FAM117A: variants seen among roughly 807,000 people sequenced by gnomAD.
FAM117A encodes the protein protein FAM117A.
FAM117A carries 21 observed loss-of-function variants against 44.1 expected under a neutral mutation model. That is an observed-to-expected ratio of 0.48 (90% CI 0.34 to 0.69). The LOEUF (loss-of-function observed/expected upper bound fraction) is 0.69, where lower values mean the gene tolerates loss of function less well. Ranked by LOEUF, FAM117A falls within the 30% of genes least tolerant of loss-of-function variation. The pLI, the probability that FAM117A is intolerant of heterozygous loss-of-function variation, is 0.01. For synonymous variants in FAM117A, 220 were observed against 238.3 expected (o/e 0.92, Z 0.71); for missense variants, 498 against 589.9 (o/e 0.84, Z 1.61).
Position 49,710,885 on chromosome 17 carries a change from T to C in FAM117A, c.*370A>G, listed in dbSNP as rs905796561. 10 of 177,956 alleles carry C rather than the reference T, an allele frequency of 5.6e-5. No homozygotes were observed. The highest frequency in any genetic ancestry group is 5.4e-4 in the Admixed American group (10 of 18,560). 11.0% of individuals were successfully genotyped at this position (177,956 alleles called of 1,614,324 possible). On this transcript the variant is annotated 3_prime_UTR_variant, in exon 8 of 8. Coordinates refer to ENST00000240364, the MANE Select transcript of FAM117A (RefSeq NM_030802.4). The stretch of plus-strand genomic sequence containing the variant: ...AGAGGGAAGGAAATCTGTGGCGTCT[T>C]CTCTCCTTCGTTCATGGCCAGCTTG...
At chr17:49,770,096 C>G (rs1162780047) in intron 1 of FAM117A, among the ~76,000 whole-genome samples, 1 of 151,778 alleles carries the variant, frequency 6.6e-6, no homozygotes, top group Non-Finnish European at 1.5e-5. Context: ...ATGGTAAAAC[C>G]CTGTCTCTAC....
chr17:49,768,893 C>T (rs8065596), upstream of FAM117A, among the ~76,000 whole-genome samples: 134,107 of 152,238 alleles, frequency 0.88, 59,199 homozygotes, highest in South Asian at 0.94. Context: ...GTCTTCTTAG[C>T]TCTCTCACTT....
At chr17:49,713,098 G>A (rs982765197) in intron 7 of FAM117A, among the ~76,000 whole-genome samples, 4 of 152,086 alleles carry the variant, frequency 2.6e-5, no homozygotes, top group Non-Finnish European at 5.9e-5. Flanking sequence ...ATGTTGACCA[G>A]GCTGGTCTTG....
rs780753655 is a variant in FAM117A at position 49,717,704 on chromosome 17, A to G, written c.719T>C (p.Ile240Thr). The change falls in exon 6 of 8, where the codon ATC becomes ACC. Residue 240 changes from isoleucine to threonine, a missense_variant. Ile to Thr is a moderately conservative substitution (Grantham distance 89). Around this residue, in one of 3 missense-constraint regions of FAM117A, gnomAD observed 224 missense variants for 296.5 expected, o/e 0.76. Coordinates refer to ENST00000240364, the MANE Select transcript of FAM117A (RefSeq NM_030802.4). ...GEEELLRILD[I>T]PDGHRAPAPP... ...AGCTGGGGCCCGGTGCCCATCAGGG[A>G]TATCAAGGATCTAACGGGGAAGGAC... The G allele has an allele frequency of 6.2e-7, 1 of 1,606,682 alleles. No individual in the cohort carries two copies. The highest frequency in any genetic ancestry group is 1.1e-5 in the South Asian group (1 of 90,502).
intron 1 of FAM117A, among the ~76,000 whole-genome samples, chr17:49,771,878 C>T (rs2073761876): frequency 6.6e-6 from 1 of 152,188 alleles, no homozygotes. Flanking sequence ...AAGTCTGCCT[C>T]AAAACTACAA....
intron 1 of FAM117A, among the ~76,000 whole-genome samples, chr17:49,733,878 C>A (rs1598025270): frequency 6.6e-6 from 1 of 151,924 alleles, no homozygotes. Flanking sequence ...CGTGGTGGCT[C>A]AAGCCTGTAA....
At chr17:49,729,299 G>C (rs1176074109) in intron 2 of FAM117A, among the ~76,000 whole-genome samples, 1 of 152,084 alleles carries the variant, frequency 6.6e-6, no homozygotes, top group Non-Finnish European at 1.5e-5. Context: ...GCATGCCCTG[G>C]GAATGCCAGG....
intron 5 of FAM117A, among the ~76,000 whole-genome samples, chr17:49,718,320 C>A (rs1227766228): frequency 6.6e-6 from 1 of 152,226 alleles, no homozygotes; most frequent in Non-Finnish European, 1.5e-5. Flanking sequence ...CCATTAGAAT[C>A]ATATTAATAT....
Position 49,764,045 on chromosome 17 carries a change from C to T in FAM117A, c.43G>A (p.Gly15Arg). 8.2e-7 allele frequency: 1 copy of T among 1,224,522 alleles called. No homozygotes were observed. The highest frequency in any genetic ancestry group is 1.0e-6 in the Non-Finnish European group (1 of 980,890). 75.9% of individuals were successfully genotyped at this position (1,224,522 alleles called of 1,614,324 possible). ...CCCCCGGCCCCTCCGCGCCCCGGCC[C>T]CCAGGCACCTCCGCCTCTGCCGCCC... is the stretch of plus-strand genomic sequence containing the variant. ...AAGGRGGGAW[G>R]PGRGGAGGLR... Residue 15 changes from glycine (G) to arginine (R), a missense_variant, in exon 1 of 8, where the codon GGG becomes AGG. Gly to Arg is a moderately radical substitution (Grantham distance 125, BLOSUM62 -2). Around this residue, in one of 3 missense-constraint regions of FAM117A, gnomAD observed 270 missense variants for 277.4 expected, o/e 0.97. Transcript: ENST00000240364.
At chr17:49,753,852 G>C (rs9894446) in intron 1 of FAM117A, among the ~76,000 whole-genome samples, 2 of 152,046 alleles carry the variant, frequency 1.3e-5, no homozygotes, top group African/African-American at 4.8e-5. Context: ...GAAAAATACA[G>C]GTGAATTTTT....
At chr17:49,766,104 T>C (rs2073745264), upstream of FAM117A, among the ~76,000 whole-genome samples, 2 of 152,146 alleles carry the variant, frequency 1.3e-5, no homozygotes, top group Admixed American at 1.3e-4. Flanking sequence ...TATTTATTGC[T>C]CAAGACCACA....
At chr17:49,738,769 T>A (rs145292761) in intron 1 of FAM117A, among the ~76,000 whole-genome samples, 1 of 152,300 alleles carries the variant, frequency 6.6e-6, no homozygotes, top group Non-Finnish European at 1.5e-5. Flanking sequence ...AAATACCATA[T>A]TTCCTTTAAG....
intron 1 of FAM117A, among the ~76,000 whole-genome samples, chr17:49,774,883 G>C (rs1263642224): frequency 6.6e-6 from 1 of 152,148 alleles, no homozygotes; most frequent in Non-Finnish European, 1.5e-5. Context: ...TCCTCATTAA[G>C]TAAAAGAGTT....
Position 49,717,527 on chromosome 17 carries a change from G to A in FAM117A, c.896C>T (p.Thr299Ile), listed in dbSNP as rs1342647426. Residue 299 changes from threonine to isoleucine, a missense_variant, in exon 6 of 8, where the codon ACC becomes ATC. Around this residue, in one of 3 missense-constraint regions of FAM117A, gnomAD observed 224 missense variants for 296.5 expected, o/e 0.76. Coordinates refer to ENST00000240364, the MANE Select transcript of FAM117A (RefSeq NM_030802.4). ...HRGAAEELAS[T>I]PNDKASSPGH... is the part of the protein sequence containing the mutation. The stretch of plus-strand genomic sequence containing the variant: ...TCGCGGCTTACCTTTGTCGTTGGGG[G>A]TGGATGCCAGCTCCTCGGCGGCACC... The A allele has an allele frequency of 1.9e-6, 3 of 1,614,048 alleles. No homozygotes were observed. The South Asian group carries it at 3.3e-5, about 18-fold the overall frequency.
At chr17:49,772,558 T>C (rs2073764208) in intron 1 of FAM117A, among the ~76,000 whole-genome samples, 2 of 152,012 alleles carry the variant, frequency 1.3e-5, no homozygotes, top group East Asian at 3.9e-4. Flanking sequence ...GAGACCATCC[T>C]GGCTAACACG....
chr17:49,776,723 C>G (rs2073776487), intron 1 of FAM117A, among the ~76,000 whole-genome samples: 1 of 152,124 alleles, frequency 6.6e-6, no homozygotes, highest in South Asian at 2.1e-4. Flanking sequence ...GAGGAGGAGG[C>G]TGGCGCTGCC....
intron 5 of FAM117A, chr17:49,718,042 G>A (rs1214073837): frequency 5.3e-6 from 1 of 187,916 alleles, no homozygotes; most frequent in East Asian, 1.3e-4. Flanking sequence ...TGTGCCCTGG[G>A]CTCTAGGAAC....
intron 1 of FAM117A, among the ~76,000 whole-genome samples, chr17:49,756,916 C>CAA (rs59004870): frequency 1.1e-3 from 122 of 109,930 alleles, no homozygotes; most frequent in Non-Finnish European, 2.1e-3. Flanking sequence ...GACTCTGCCT[C>CAA]AAAAAAAAAA....
intron 6 of FAM117A, among the ~76,000 whole-genome samples, chr17:49,716,972 G>A (rs1386985172): frequency 6.6e-6 from 1 of 152,104 alleles, no homozygotes; most frequent in East Asian, 1.9e-4. Flanking sequence ...CATAGGCACA[G>A]TGCTTTATAA....
Sources: allele counts gnomAD v4.1 joint callset (sites outside exome capture counted in the v4.1 genomes callset), GRCh38; gene constraint gnomAD v4.1.1; regional missense constraint gnomAD v4.1.1; transcripts MANE v1.5; gene names NCBI Gene and HGNC (gene_info 2026-07-23, HGNC 2026-07-21).